The following RUNX2 variants were observed in gnomAD, a reference collection of about 807,000 sequenced individuals.
The protein encoded by RUNX2 is RUNX family transcription factor 2.
In RUNX2, 10 loss-of-function variants were observed where a neutral mutation model predicts 51.7. The ratio of observed to expected loss-of-function variants is 0.19; its 90% CI spans 0.12 to 0.33. The LOEUF (loss-of-function observed/expected upper bound fraction) is 0.33, where lower values mean the gene tolerates loss of function less well. Among genes scored for constraint, RUNX2 ranks in the 10% least tolerant of loss-of-function variants. RUNX2 has a pLI of 1.00. For synonymous variants in RUNX2, 276 were observed against 273.6 expected (o/e 1.01, Z -0.09); for missense variants, 562 against 691.3 (o/e 0.81, Z 2.10).
chr6:45,422,536 TC>T lies in RUNX2; in HGVS notation c.59-52del, dbSNP rs753677726. ...TCCTTGCCCCTCATTTCCACCCTCCTCCCCCTCCCCCGGCCACTTCGCTAAC... is the reference window on the plus strand; with the variant it reads ...TCCTTGCCCCTCATTTCCACCCTCCTCCCCTCCCCCGGCCACTTCGCTAAC... On this transcript the variant is annotated intron_variant, in intron 2 of 8. Transcript: ENST00000647337. 4 of 923,150 alleles carry T rather than the reference TC, an allele frequency of 4.3e-6. No individual in the cohort carries two copies. In the Admixed American group the frequency reaches 8.5e-5, roughly 20 times the overall value. 57.2% of individuals were successfully genotyped at this position (923,150 alleles called of 1,614,324 possible).
intron 2 of RUNX2, among the ~76,000 whole-genome samples, chr6:45,372,685 GTCTC>G (rs1473374414): frequency 6.6e-6 from 1 of 152,008 alleles, no homozygotes; most frequent in Non-Finnish European, 1.5e-5. Context: ...TTGAGACAGG[GTCTC>G]TCTCTGTTGC....
chr6:45,454,297 C>T lies in RUNX2; in HGVS notation c.685+16246C>T, dbSNP rs1463700725. ...TATGGAGGCACCATTTCTTTATTCT[C>T]TTGTTAGGAAAACTGAAATATAAAT... is the stretch of plus-strand genomic sequence containing the variant. On this transcript the variant is annotated intron_variant, in intron 5 of 8. Transcript: ENST00000647337. 5.3e-5 allele frequency among the ~76,000 whole-genome samples: 8 copies of T among 152,144 alleles called. No homozygotes were observed. In the East Asian group the frequency reaches 1.5e-3, roughly 29 times the overall value.
chr6:45,430,131 C>T (rs1474436593), intron 3 of RUNX2, among the ~76,000 whole-genome samples: 2 of 151,944 alleles, frequency 1.3e-5, no homozygotes, highest in African/African-American at 4.8e-5. Context: ...TTACCATGTG[C>T]TGGACACTTT....
intron 5 of RUNX2, among the ~76,000 whole-genome samples, chr6:45,447,976 T>G (rs1226838700): frequency 6.6e-6 from 1 of 152,228 alleles, no homozygotes; most frequent in East Asian, 1.9e-4. Context: ...CAGTCATTCC[T>G]TTGTATTGAA....
chr6:45,425,197 T>C (rs1798351130), intron 3 of RUNX2, among the ~76,000 whole-genome samples: 1 of 152,236 alleles, frequency 6.6e-6, no homozygotes, highest in African/African-American at 2.4e-5. Context: ...CCATATACCA[T>C]TCTGCTAAAC....
chr6:45,485,697 G>GTGTGTGTATATATATATATATATA (rs1219072282), intron 5 of RUNX2, among the ~76,000 whole-genome samples: 4 of 104,034 alleles, frequency 3.8e-5, no homozygotes, highest in African/African-American at 1.5e-4. Flanking sequence ...GTGTGTGTGT[G>GTGTGTGTATATATATATATATATA]TATATATATA....
rs1324285247 is a variant in RUNX2, at chr6:45,487,445, C to G, written c.686-4496C>G. On this transcript the variant is annotated intron_variant, in intron 5 of 8. Transcript: ENST00000647337. ...CTTTCATCTCTCTGATTCCCAGTGA[C>G]TTTCAACAATGCTTAAGAATTACAG... Among the ~76,000 whole-genome samples the G allele has an allele frequency of 2.6e-5, 4 of 152,154 alleles. No homozygotes were observed. In the East Asian group the frequency reaches 7.7e-4, roughly 29 times the overall value.
chr6:45,427,324 C>A (rs1229495373), intron 3 of RUNX2, among the ~76,000 whole-genome samples: 1 of 151,980 alleles, frequency 6.6e-6, no homozygotes, highest in Admixed American at 6.5e-5. Flanking sequence ...ATGATCTAAA[C>A]CACCATGATA....
intron 2 of RUNX2, among the ~76,000 whole-genome samples, chr6:45,394,483 A>G (rs1797541276): frequency 6.6e-6 from 1 of 152,190 alleles, no homozygotes; most frequent in Admixed American, 6.5e-5. Context: ...TCTGAAGCTT[A>G]CAGATCTTTT....
chr6:45,374,476 G>A (rs537153802), intron 2 of RUNX2, among the ~76,000 whole-genome samples: 1 of 152,332 alleles, frequency 6.6e-6, no homozygotes, highest in African/African-American at 2.4e-5. Context: ...GGAAGCAGCA[G>A]AGCGAGAACT....
chr6:45,483,775 G>A (rs779711396), intron 5 of RUNX2, among the ~76,000 whole-genome samples: 1 of 152,176 alleles, frequency 6.6e-6, no homozygotes, highest in Non-Finnish European at 1.5e-5. Flanking sequence ...TTTGCCAAAC[G>A]GAGTTGATGC....
chr6:45,341,244 A>G (rs931413304), intron 2 of RUNX2, among the ~76,000 whole-genome samples: 9 of 152,186 alleles, frequency 5.9e-5, no homozygotes, highest in African/African-American at 2.2e-4. Flanking sequence ...CTATGAGATT[A>G]TATTTTTCAG....
intron 3 of RUNX2, 93 bp downstream of exon 3, chr6:45,423,050 C>T: frequency 6.7e-7 from 1 of 1,500,876 alleles, no homozygotes; most frequent in Admixed American, 2.0e-5. Context: ...CCCGGACGTC[C>T]TCCAAGACCT....
At chr6:45,500,183 A>T (rs1800765394) in intron 6 of RUNX2, among the ~76,000 whole-genome samples, 1 of 152,202 alleles carries the variant, frequency 6.6e-6, no homozygotes. Context: ...CATATCCATT[A>T]TTTATGTGAT....
At chr6:45,407,389 A>G (rs956655977) in intron 2 of RUNX2, among the ~76,000 whole-genome samples, 1 of 152,170 alleles carries the variant, frequency 6.6e-6, no homozygotes, top group Non-Finnish European at 1.5e-5. Flanking sequence ...CAGTGATGTG[A>G]GACACCTTCA....
intron 2 of RUNX2, among the ~76,000 whole-genome samples, chr6:45,387,748 A>G (rs945321464): frequency 1.3e-5 from 2 of 152,200 alleles, no homozygotes; most frequent in Non-Finnish European, 2.9e-5. Context: ...GGAAGAGTCA[A>G]CAAGGAACGT....
chr6:45,410,034 A>G (rs775560167), intron 2 of RUNX2, among the ~76,000 whole-genome samples: 13 of 151,862 alleles, frequency 8.6e-5, no homozygotes, highest in Non-Finnish European at 1.5e-4. Flanking sequence ...GTTTTTCACA[A>G]GATATATTTG....
chr6:45,546,463 T>C (rs969156236), intron 8 of RUNX2, among the ~76,000 whole-genome samples: 2 of 152,104 alleles, frequency 1.3e-5, no homozygotes, highest in Non-Finnish European at 2.9e-5. Flanking sequence ...ACTTCAAATA[T>C]CTAAAGTGCA....
At chr6:45,472,585 G>A (rs973222958) in intron 5 of RUNX2, among the ~76,000 whole-genome samples, 4 of 152,210 alleles carry the variant, frequency 2.6e-5, no homozygotes, top group African/African-American at 9.7e-5. Flanking sequence ...GCAGTCTAAA[G>A]AAAACAGTCC....
Sources: allele counts gnomAD v4.1 joint callset (sites outside exome capture counted in the v4.1 genomes callset), GRCh38; gene constraint gnomAD v4.1.1; transcripts MANE v1.5; gene names NCBI Gene and HGNC (gene_info 2026-07-23, HGNC 2026-07-21).